ABI3BP: variants seen among roughly 807,000 people sequenced by gnomAD.
The protein encoded by ABI3BP is target of Nesh-SH3.
In ABI3BP, 216 loss-of-function variants were observed where a neutral mutation model predicts 268.6. The ratio of observed to expected loss-of-function variants is 0.80; its 90% CI spans 0.72 to 0.90. The LOEUF is 0.90. Ranked by LOEUF, ABI3BP falls within the 40% of genes least tolerant of loss-of-function variation. The probability of loss-of-function intolerance (pLI) is 0.00; values close to 1 mark genes in which losing one functional copy is unlikely to be tolerated. For synonymous variants in ABI3BP, 730 were observed against 730.0 expected, an observed-to-expected ratio of 1.00 and a Z score of 0.00; for missense variants, 2,090 against 2,182.4, an observed-to-expected ratio of 0.96 and a Z score of 0.84.
intron 61 of ABI3BP, among the ~76,000 whole-genome samples, chr3:100,773,733 A>G (rs917763818): frequency 2.6e-5 from 4 of 152,254 alleles, no homozygotes; most frequent in African/African-American, 9.6e-5. Flanking sequence ...TGAATATCCA[A>G]ATAATAGCAT....
At chr3:100,970,699 A>G (rs1373008012) in intron 1 of ABI3BP, among the ~76,000 whole-genome samples, 2 of 152,184 alleles carry the variant, frequency 1.3e-5, no homozygotes, top group Non-Finnish European at 2.9e-5. Context: ...TCCTCCTCGC[A>G]GGGTAGTTCC....
chr3:100,836,980 G>A (rs979641493), intron 27 of ABI3BP, 144 bp downstream of exon 27: 5 of 691,028 alleles, frequency 7.2e-6, no homozygotes, highest in Non-Finnish European at 9.4e-6. Flanking sequence ...ATGTTAAAAA[G>A]GCCCCTGTTG....
At chr3:100,923,840 A>G (rs923851953) in intron 2 of ABI3BP, among the ~76,000 whole-genome samples, 1 of 152,220 alleles carries the variant, frequency 6.6e-6, no homozygotes, top group Non-Finnish European at 1.5e-5. Context: ...TTATTATCAA[A>G]AGATGCTAAA....
Position 100,751,990 on chromosome 3 carries a change from A to G in ABI3BP, c.5123-316T>C, listed in dbSNP as rs138598383. On this transcript the variant is annotated intron_variant, in intron 66 of 67. Coordinates refer to ENST00000471714, the MANE Select transcript of ABI3BP (RefSeq NM_001375547.2). The stretch of plus-strand genomic sequence containing the variant: ...TGATTTCACACCTGCCTGCCCCTCC[A>G]CTTACTAAGTCTGGGCCATACTGGT... Among the ~76,000 whole-genome samples the G allele has an allele frequency of 7.0e-4, 107 of 152,222 alleles. No individual in the cohort carries two copies. In the East Asian group the frequency reaches 0.014, roughly 20 times the overall value.
At chr3:100,815,789 A>G (rs17338012) in intron 44 of ABI3BP, 123 bp downstream of exon 44, 104,601 of 620,338 alleles carry the variant, frequency 0.17, 10,280 homozygotes, top group South Asian at 0.25. Context: ...ACTATTTTAA[A>G]ATGAAGTGTA....
rs73135597 is a variant in ABI3BP, at chr3:100,842,016, G to A, written c.1747C>T (p.Pro583Ser). The change falls in exon 21 of 68, where the codon CCA becomes TCA. Residue 583 changes from proline to serine, a missense_variant. Transcript: ENST00000471714. Reference sequence around the variant, plus strand: ...TTATTACCTATTGTTGACTGTGATGGCAGTAGAGTCTGAGGTTCTGGGGCT... The same window carrying A: ...TTATTACCTATTGTTGACTGTGATGACAGTAGAGTCTGAGGTTCTGGGGCT... ...KPAPEPQTLLPSQSTIGPETP... is the reference protein window; with the variant it reads ...KPAPEPQTLLSSQSTIGPETP... 0.084 allele frequency: 129,321 copies of A among 1,532,422 alleles called. 6,184 individuals carry two copies. Among genetic ancestry groups the A allele is most frequent in the East Asian group, 0.17 (6,916 of 40,844 alleles). The allele number at this position is 1,532,422 out of a possible 1,614,324, so 94.9% of individuals were successfully genotyped here.
intron 1 of ABI3BP, among the ~76,000 whole-genome samples, chr3:100,936,604 C>A (rs1022858551): frequency 6.6e-6 from 1 of 151,914 alleles, no homozygotes. Context: ...TCTGTCTGGT[C>A]CTGGACTTTT....
intron 34 of ABI3BP, among the ~76,000 whole-genome samples, chr3:100,826,981 G>A (rs767916910): frequency 4.6e-5 from 7 of 152,022 alleles, no homozygotes; most frequent in Non-Finnish European, 1.0e-4. Flanking sequence ...GCCCTTTCTG[G>A]TCGCCTCTAT....
chr3:100,858,630 G>A (rs1013785141), intron 14 of ABI3BP, among the ~76,000 whole-genome samples: 2 of 152,156 alleles, frequency 1.3e-5, no homozygotes, highest in Non-Finnish European at 2.9e-5. Flanking sequence ...CAAAAAGTAC[G>A]ATAAATCTCA....
chr3:100,792,693 T>C lies in ABI3BP; in HGVS notation c.4022A>G (p.Gln1341Arg). The C allele has an allele frequency of 1.2e-6, 2 of 1,609,728 alleles. No homozygotes were observed. The highest frequency in any genetic ancestry group is 2.2e-5 in the South Asian group (2 of 90,952). ...CCAGAGGTAGGGGAGAGGATTACCCTGAGTTGTCTTTGCTAGTTCAGTTGT... is the reference window on the plus strand; with the variant it reads ...CCAGAGGTAGGGGAGAGGATTACCCCGAGTTGTCTTTGCTAGTTCAGTTGT... ...PRTTELAKTT[Q>R]APHRFYTTVR... The change falls in exon 55 of 68, where the codon CAG (glutamine) becomes CGG (arginine). Residue 1341 changes from glutamine to arginine, a missense_variant and splice_region_variant. Coordinates refer to ENST00000471714, the MANE Select transcript of ABI3BP (RefSeq NM_001375547.2).
In ABI3BP at chr3:100,835,694, T is replaced by G; in HGVS notation, c.2132-34A>C. The G allele has an allele frequency of 3.4e-6, 5 of 1,473,008 alleles. No homozygotes were observed. The East Asian group carries it at 7.4e-5, about 22-fold the overall frequency. The allele number at this position is 1,473,008 out of a possible 1,614,324, so 91.2% of individuals were successfully genotyped here. ...AAGCAATACAATAAACAATGGAGATTAAGAAATACAGAAAAACAAAGTTAT... is the reference window on the plus strand; with the variant it reads ...AAGCAATACAATAAACAATGGAGATGAAGAAATACAGAAAAACAAAGTTAT... On this transcript the variant is annotated intron_variant, in intron 27 of 67. Transcript: ENST00000471714.
At chr3:100,908,463 A>C (rs1167453355) in intron 2 of ABI3BP, among the ~76,000 whole-genome samples, 2 of 152,170 alleles carry the variant, frequency 1.3e-5, no homozygotes, top group Admixed American at 6.5e-5. Flanking sequence ...TAGGAATCCA[A>C]CTTACAAGGG....
chr3:100,986,921 T>C (rs2091929112), intron 1 of ABI3BP, among the ~76,000 whole-genome samples: 1 of 152,186 alleles, frequency 6.6e-6, no homozygotes, highest in Admixed American at 6.5e-5. Flanking sequence ...TGTTTTTCTA[T>C]ATTATGTTTA....
rs568758361 is a variant in ABI3BP, at chr3:100,862,857, C to T, written c.1191G>A (p.Glu397=). 75 of 1,535,550 alleles carry T rather than the reference C, an allele frequency of 4.9e-5. No individual in the cohort carries two copies. In the Admixed American group the frequency reaches 1.0e-3, roughly 21 times the overall value. ...TATTACCCAATGTGCCCCTAGGTTT[C>T]TCAAAAGGGAAGGGTGTTTTTGCCT... is the stretch of plus-strand genomic sequence containing the variant. ...FPEAKTPFPF[E]KPRGTLASSE... Residue 397 remains glutamate, a synonymous_variant, in exon 13 of 68, where the codon GAG becomes GAA. Coordinates refer to ENST00000471714, the MANE Select transcript of ABI3BP (RefSeq NM_001375547.2).
At chr3:100,774,814 C>CGGCCGGGCGCGGTGGCTCACGCCTGTA in intron 60 of ABI3BP, 141 bp from the exon 61 acceptor site, 1 of 685,922 alleles carries the variant, frequency 1.5e-6, no homozygotes. Flanking sequence ...TATACATATT[C>CGGCCGGGCGCGGTGGCTCACGCCTGTA]ATCCACAATA....
chr3:100,758,568 T>C (rs899066104), intron 63 of ABI3BP, among the ~76,000 whole-genome samples: 2 of 152,200 alleles, frequency 1.3e-5, no homozygotes, highest in South Asian at 4.1e-4. Flanking sequence ...CCACGGGTTA[T>C]TGGAAAGATC....
rs950830474 is a variant in ABI3BP at position 100,926,389 on chromosome 3, C to T, written c.172G>A (p.Gly58Ser). Residue 58 changes from glycine (G) to serine (S), a missense_variant, in exon 2 of 68, where the codon GGT becomes AGT. Transcript: ENST00000471714. ...LRPSPNVKLE[G>S]LLLGYGSNVS... ...TTGCTGCCATATCCCAGGAGAAGAC[C>T]TTCAAGCTTTACATTTGGACTTGGA... 3 of 1,613,472 alleles carry T rather than the reference C, an allele frequency of 1.9e-6. No homozygotes were observed. Among genetic ancestry groups the T allele is most frequent in the Non-Finnish European group, 2.5e-6 (3 of 1,179,588 alleles).
chr3:100,910,839 T>C (rs541715797), intron 2 of ABI3BP: 1 of 152,592 alleles, frequency 6.6e-6, no homozygotes, highest in Non-Finnish European at 1.5e-5. Context: ...CAGGGGAATA[T>C]AGTAAAAACA....
chr3:100,959,585 T>A lies in ABI3BP; in HGVS notation c.80-33104A>T, dbSNP rs543069908. 1.5e-4 allele frequency among the ~76,000 whole-genome samples: 21 copies of A among 144,382 alleles called. No homozygotes were observed. The South Asian group carries it at 4.6e-3, about 32-fold the overall frequency. The allele number at this position is 144,382 out of a possible 152,430, so 94.7% of individuals were successfully genotyped here. Reference sequence around the variant, plus strand: ...TATCAATTGGCTAATAATCATTGAATAACAAGTAACAGTAGTCTACTGCCC... The same window carrying A: ...TATCAATTGGCTAATAATCATTGAAAAACAAGTAACAGTAGTCTACTGCCC... On this transcript the variant is annotated intron_variant, in intron 1 of 67. Coordinates refer to ENST00000471714, the MANE Select transcript of ABI3BP (RefSeq NM_001375547.2).
Sources: gnomAD v4.1 joint callset for allele counts (sites outside exome capture counted in the v4.1 genomes callset) on GRCh38, gnomAD v4.1.1 for gene constraint, MANE v1.5 for transcripts, NCBI Gene and HGNC (gene_info 2026-07-23, HGNC 2026-07-21) for gene names.